The following KANSL1L variants were observed in gnomAD, a reference collection of about 807,000 sequenced individuals.
The protein encoded by KANSL1L is KAT8 regulatory NSL complex subunit 1-like protein.
A neutral mutation model predicts 108.6 loss-of-function variants in KANSL1L; 25 were observed. The ratio of observed to expected loss-of-function variants is 0.23; its 90% confidence interval spans 0.17 to 0.32. The LOEUF (loss-of-function observed/expected upper bound fraction) is 0.32, where lower values mean the gene tolerates loss of function less well. Ranked by LOEUF, KANSL1L falls within the 10% of genes least tolerant of loss-of-function variation. The pLI is 1.00. For synonymous variants in KANSL1L, 405 were observed against 395.1 expected (o/e 1.03, Z -0.30); for missense variants, 1,137 against 1,125.7 (o/e 1.01, Z -0.14).
intron 5 of KANSL1L, among the ~76,000 whole-genome samples, chr2:210,090,428 T>C (rs772061399): frequency 1.3e-5 from 2 of 152,240 alleles, no homozygotes; most frequent in Non-Finnish European, 2.9e-5. Context: ...GTTAAGACTA[T>C]AAATTTTTTG....
chr2:210,062,474 T>A (rs571492648), intron 6 of KANSL1L, among the ~76,000 whole-genome samples: 1 of 151,984 alleles, frequency 6.6e-6, no homozygotes, highest in African/African-American at 2.4e-5. Context: ...AACTGGGAGG[T>A]TGGAACAGCT....
chr2:210,051,634 CATT>C (rs2094293373), intron 6 of KANSL1L, among the ~76,000 whole-genome samples: 2 of 152,090 alleles, frequency 1.3e-5, no homozygotes, highest in Admixed American at 1.3e-4. Flanking sequence ...ACTTTGGAGA[CATT>C]ATTCTATTTT....
At position 210,074,064 on chromosome 2, in the gene KANSL1L, A is replaced by AAT. The variant is rs147011324; in HGVS notation, c.1755+1486_1755+1487dup. ...CAAGGTTAAAACAGGGTGCTATAAC[A>AAT]ATATATATACCATTCTGGGCATGTC... On this transcript the variant is annotated intron_variant, in intron 6 of 14. Transcript: ENST00000281772. Among the ~76,000 whole-genome samples the AAT allele has an allele frequency of 8.5e-5, 13 of 152,160 alleles. No homozygotes were observed. The East Asian group carries it at 2.1e-3, about 25-fold the overall frequency.
Position 210,062,509 on chromosome 2 carries a change from T to C in KANSL1L, c.1755+13043A>G, listed in dbSNP as rs536951549. The stretch of plus-strand genomic sequence containing the variant: ...TTGGAAGGCTCAGAAAACAGAAAAG[T>C]GTGGGAAAGTTTGGAACTCCCTAGA... On this transcript the variant is annotated intron_variant, in intron 6 of 14. Transcript: ENST00000281772. Among the ~76,000 whole-genome samples the C allele has an allele frequency of 3.3e-5, 5 of 152,254 alleles. No individual in the cohort carries two copies. In the East Asian group the frequency reaches 9.7e-4, roughly 29 times the overall value.
chr2:210,084,654 G>A (rs979305386), intron 5 of KANSL1L, among the ~76,000 whole-genome samples: 111 of 150,630 alleles, frequency 7.4e-4, no homozygotes, highest in African/African-American at 1.8e-3. Context: ...TCACTTTGTC[G>A]CCAGGCTGGA....
In KANSL1L at chr2:210,027,469, T is replaced by C. The variant is rs1479111614; in HGVS notation, c.2397-119A>G. On this transcript the variant is annotated intron_variant, in intron 11 of 14. Transcript: ENST00000281772. ...GGCACTTCCATGGTTCAAATTGTTG[T>C]ATTTTAATACTTAATTTTTTAAAAG... is the stretch of plus-strand genomic sequence containing the variant. 1.1e-5 allele frequency: 7 copies of C among 654,556 alleles called. No individual in the cohort carries two copies. In the East Asian group the frequency reaches 1.4e-4, roughly 13 times the overall value. The allele number at this position is 654,556 out of a possible 1,614,324, so 40.5% of individuals were successfully genotyped here.
intron 2 of KANSL1L, chr2:210,152,521 A>G (rs1188934829): frequency 6.6e-6 from 1 of 152,184 alleles, no homozygotes; most frequent in African/African-American, 2.4e-5. Flanking sequence ...TTATTATTCA[A>G]TATCGAGATA....
chr2:210,132,988 G>T (rs1389130613), intron 2 of KANSL1L, among the ~76,000 whole-genome samples: 2 of 152,028 alleles, frequency 1.3e-5, no homozygotes, highest in African/African-American at 4.8e-5. Flanking sequence ...TTAACGTAAG[G>T]TTTTTCAGGT....
At chr2:210,134,815 A>G (rs1164866901) in intron 2 of KANSL1L, among the ~76,000 whole-genome samples, 3 of 152,190 alleles carry the variant, frequency 2.0e-5, no homozygotes, top group African/African-American at 7.2e-5. Context: ...ACTAGGAAAT[A>G]CTACCATAAG....
intron 3 of KANSL1L, among the ~76,000 whole-genome samples, chr2:210,113,335 C>T (rs986095811): frequency 2.0e-5 from 3 of 151,974 alleles, no homozygotes; most frequent in South Asian, 2.1e-4. Context: ...TCCAAGAAAA[C>T]GTGCAGGCTC....
intron 5 of KANSL1L, chr2:210,096,539 T>A: frequency 1.0e-6 from 1 of 984,972 alleles, no homozygotes; most frequent in African/African-American, 1.7e-5. Context: ...TAACTATGTG[T>A]GTAACTGTGT....
At chr2:210,167,097 TAAAC>T (rs1031029692) in intron 1 of KANSL1L, among the ~76,000 whole-genome samples, 16 of 151,880 alleles carry the variant, frequency 1.1e-4, no homozygotes, top group Non-Finnish European at 1.2e-4. Flanking sequence ...AAAGTCCAAT[TAAAC>T]AAACAAAAAA....
At chr2:210,140,740 G>C (rs2095220338) in intron 2 of KANSL1L, among the ~76,000 whole-genome samples, 1 of 152,080 alleles carries the variant, frequency 6.6e-6, no homozygotes, top group South Asian at 2.1e-4. Context: ...GATTGCTTTG[G>C]GTTGTATGGA....
At position 210,064,837 on chromosome 2, in the gene KANSL1L, A is replaced by AC. The variant is rs1553648662; in HGVS notation, c.1755+10714_1755+10715insG. 7.4e-3 allele frequency among the ~76,000 whole-genome samples: 1,111 copies of AC among 150,342 alleles called. 9 individuals are homozygous for AC. Among genetic ancestry groups the AC allele is most frequent in the African/African-American group, 0.024 (984 of 40,386 alleles). The stretch of plus-strand genomic sequence containing the variant: ...CCCACCAAAAAAAAAAAAAAAAAAA[A>AC]ACACAGGAAAAAAAATTAGTGTAAC... On this transcript the variant is annotated intron_variant, in intron 6 of 14. Coordinates refer to ENST00000281772, the MANE Select transcript of KANSL1L (RefSeq NM_152519.4).
intron 8 of KANSL1L, among the ~76,000 whole-genome samples, chr2:210,033,763 C>T (rs1055699036): frequency 1.3e-5 from 2 of 149,196 alleles, no homozygotes; most frequent in Non-Finnish European, 3.0e-5. Context: ...TGGTCTCGAT[C>T]TCCTCACCTC....
At chr2:210,112,068 A>T (rs1575553839) in intron 3 of KANSL1L, among the ~76,000 whole-genome samples, 1 of 152,076 alleles carries the variant, frequency 6.6e-6, no homozygotes, top group Non-Finnish European at 1.5e-5. Context: ...TGAACTCATC[A>T]TTTTTTATGG....
At chr2:210,140,724 T>C (rs570749231) in intron 2 of KANSL1L, among the ~76,000 whole-genome samples, 1 of 152,294 alleles carries the variant, frequency 6.6e-6, no homozygotes, top group East Asian at 1.9e-4. Context: ...TGATATGGAA[T>C]TTGTAGATTG....
At chr2:210,070,822 T>C (rs944687328) in intron 6 of KANSL1L, among the ~76,000 whole-genome samples, 11 of 152,292 alleles carry the variant, frequency 7.2e-5, no homozygotes, top group East Asian at 5.8e-4. Context: ...CTCTGTTATA[T>C]GTATATGTAA....
chr2:210,152,599 T>G (rs1269986178), intron 2 of KANSL1L: 1 of 152,244 alleles, frequency 6.6e-6, no homozygotes, highest in Non-Finnish European at 1.5e-5. Context: ...TGAATCTTAG[T>G]GTCTAGCACA....
Sources: allele counts gnomAD v4.1 joint callset (sites outside exome capture counted in the v4.1 genomes callset), GRCh38; gene constraint gnomAD v4.1.1; transcripts MANE v1.5; gene names NCBI Gene and HGNC (gene_info 2026-07-23, HGNC 2026-07-21).